Variants in SRPK2 observed in about 807,000 individuals in gnomAD.
SRPK2 encodes the protein SFRS protein kinase 2.
A neutral mutation model predicts 90.8 loss-of-function variants in SRPK2; 21 were observed. The ratio of observed to expected loss-of-function variants is 0.23; its 90% CI spans 0.16 to 0.33. The LOEUF is 0.33. Among genes scored for constraint, SRPK2 ranks in the 10% least tolerant of loss-of-function variants. SRPK2 has a pLI of 1.00. For missense variants in SRPK2, 620 were observed against 869.0 expected (o/e 0.71, Z 3.60); for synonymous variants, 288 against 311.1 (o/e 0.93, Z 0.78).
chr7:105,356,705 G>C (rs1817821855), intron 2 of SRPK2, among the ~76,000 whole-genome samples: 1 of 152,120 alleles, frequency 6.6e-6, no homozygotes, highest in Non-Finnish European at 1.5e-5. Flanking sequence ...TTTTCATAGT[G>C]AAATGTAAGT....
chr7:105,232,887 C>T (rs1378149515), intron 2 of SRPK2, among the ~76,000 whole-genome samples: 6 of 151,900 alleles, frequency 3.9e-5, no homozygotes, highest in African/African-American at 1.5e-4. Context: ...GTGGCGGGTG[C>T]CTGTAATCCC....
chr7:105,379,499 G>A (rs1200064459), intron 2 of SRPK2, among the ~76,000 whole-genome samples: 1 of 152,116 alleles, frequency 6.6e-6, no homozygotes, highest in Non-Finnish European at 1.5e-5. Flanking sequence ...TGAAATTCAA[G>A]AACAGACAAA....
intron 2 of SRPK2, among the ~76,000 whole-genome samples, chr7:105,278,638 A>G (rs113743347): frequency 0.44 from 66,409 of 151,394 alleles, 15,820 homozygotes; most frequent in South Asian, 0.53. Flanking sequence ...GTGAGCTGAG[A>G]CTGTACCACT....
At chr7:105,321,556 T>C (rs1812940047) in intron 2 of SRPK2, among the ~76,000 whole-genome samples, 1 of 151,964 alleles carries the variant, frequency 6.6e-6, no homozygotes, top group Admixed American at 6.6e-5. Flanking sequence ...TGGAAGAAAA[T>C]ATTAACAAAT....
At chr7:105,318,934 T>C (rs1364134235) in intron 2 of SRPK2, among the ~76,000 whole-genome samples, 1 of 152,200 alleles carries the variant, frequency 6.6e-6, no homozygotes, top group Non-Finnish European at 1.5e-5. Context: ...AATCAAATGA[T>C]GACAAGCCGA....
chr7:105,301,804 C>T, intron 2 of SRPK2: 1 of 1,564,402 alleles, frequency 6.4e-7, no homozygotes, highest in Non-Finnish European at 8.8e-7. Context: ...CTTGGAACCG[C>T]TATGACCTGT....
At chr7:105,325,615 T>TA (rs1813486865) in intron 2 of SRPK2, among the ~76,000 whole-genome samples, 1 of 148,790 alleles carries the variant, frequency 6.7e-6, no homozygotes, top group Non-Finnish European at 1.5e-5. Flanking sequence ...CTAAGTACTT[T>TA]AGGAGGCTTA....
intron 1 of SRPK2, among the ~76,000 whole-genome samples, chr7:105,398,761 G>A (rs941694855): frequency 2.6e-5 from 4 of 152,184 alleles, no homozygotes; most frequent in Non-Finnish European, 4.4e-5. Flanking sequence ...TCATAATAGT[G>A]TAACATAGAA....
chr7:105,362,162 C>T (rs1041228287), intron 2 of SRPK2, among the ~76,000 whole-genome samples: 32 of 152,042 alleles, frequency 2.1e-4, no homozygotes, highest in African/African-American at 7.7e-4. Context: ...AAAAAGTGGG[C>T]GAAGGATATG....
chr7:105,126,874 A>T, intron 14 of SRPK2, 119 bp downstream of exon 14: 1 of 965,092 alleles, frequency 1.0e-6, no homozygotes, highest in Non-Finnish European at 1.6e-6. Flanking sequence ...AAGCATCTGA[A>T]TTTGGTGTTT....
chr7:105,365,260 G>A (rs1205773154), intron 2 of SRPK2, among the ~76,000 whole-genome samples: 1 of 151,962 alleles, frequency 6.6e-6, no homozygotes, highest in Non-Finnish European at 1.5e-5. Context: ...TGAGGCGGGT[G>A]GATCACCTGA....
chr7:105,176,557 A>ATATGTG (rs142490071), intron 3 of SRPK2, among the ~76,000 whole-genome samples: 1 of 148,030 alleles, frequency 6.8e-6, no homozygotes, highest in African/African-American at 2.5e-5. Flanking sequence ...TTTTGCATAT[A>ATATGTG]TGTGTGTGTG....
At chr7:105,269,725 T>C (rs1233166921) in intron 2 of SRPK2, among the ~76,000 whole-genome samples, 1 of 152,102 alleles carries the variant, frequency 6.6e-6, no homozygotes, top group Non-Finnish European at 1.5e-5. Context: ...AAGGAGACAA[T>C]CTAACACGTT....
intron 4 of SRPK2, among the ~76,000 whole-genome samples, chr7:105,168,648 T>A (rs895591955): frequency 2.6e-5 from 4 of 151,540 alleles, no homozygotes; most frequent in African/African-American, 9.7e-5. Flanking sequence ...TAGATAAACA[T>A]CAGAGTTATC....
chr7:105,162,675 T>C (rs1807861629), intron 6 of SRPK2, among the ~76,000 whole-genome samples: 1 of 152,226 alleles, frequency 6.6e-6, no homozygotes, highest in Non-Finnish European at 1.5e-5. Context: ...TCTTACTATT[T>C]CCCAGGCTCA....
intron 2 of SRPK2, among the ~76,000 whole-genome samples, chr7:105,233,716 C>T (rs551266394): frequency 1.3e-5 from 2 of 152,058 alleles, no homozygotes; most frequent in South Asian, 4.1e-4. Flanking sequence ...AAAAATTAGC[C>T]AGGCATGGTG....
intron 2 of SRPK2, among the ~76,000 whole-genome samples, chr7:105,270,429 G>A (rs1406398628): frequency 1.4e-5 from 2 of 143,088 alleles, no homozygotes; most frequent in Non-Finnish European, 3.0e-5. Flanking sequence ...TTTTTTTTGA[G>A]ATGGAATTTC....
At chr7:105,243,601 A>C (rs1801126191) in intron 2 of SRPK2, among the ~76,000 whole-genome samples, 1 of 141,370 alleles carries the variant, frequency 7.1e-6, no homozygotes, top group Admixed American at 7.4e-5. Flanking sequence ...ATTGCACTCC[A>C]GTCTGGGTAA....
chr7:105,170,935 G>GAAAGAAAGAAAGAAAGAAAGA lies in SRPK2; in HGVS notation c.230-1691_230-1671dup, dbSNP rs1491131011. On this transcript the variant is annotated intron_variant, in intron 3 of 15. Coordinates refer to ENST00000393651, the MANE Select transcript of SRPK2 (RefSeq NM_182692.3). ...AGAAAGGAGAAAGAAAAAGAAAAAG[G>GAAAGAAAGAAAGAAAGAAAGA]AAAGAAAGAAAGAAAGAAAGAAAGA... Among the ~76,000 whole-genome samples the GAAAGAAAGAAAGAAAGAAAGA allele has an allele frequency of 1.1e-3, 12 of 10,588 alleles. 1 individual carries two copies. The highest frequency in any genetic ancestry group is 3.5e-4 in the Non-Finnish European group (1 of 2,820). The allele number at this position is 10,588 out of a possible 152,430, so 6.9% of individuals were successfully genotyped here. A position where few individuals can be genotyped will look rare whatever the true frequency, so the allele number is the denominator to read the frequency against.
Sources: allele counts gnomAD v4.1 joint callset (sites outside exome capture counted in the v4.1 genomes callset), GRCh38; gene constraint gnomAD v4.1.1; transcripts MANE v1.5; gene names NCBI Gene and HGNC (gene_info 2026-07-23, HGNC 2026-07-21).